SGCZ: variants seen among roughly 807,000 people sequenced by gnomAD.
SGCZ encodes zeta-sarcoglycan.
A neutral mutation model predicts 41.3 loss-of-function variants in SGCZ; 40 were observed. The ratio of observed to expected loss-of-function variants is 0.97; its 90% CI spans 0.75 to 1.26. SGCZ has a LOEUF of 1.26. Ranked by LOEUF, SGCZ falls within the 50% of genes most tolerant of loss-of-function variation. The pLI, the probability that SGCZ is intolerant of heterozygous loss-of-function variation, is 0.00. For missense variants in SGCZ, 552 were observed against 369.8 expected (o/e 1.49, Z -4.04); for synonymous variants, 206 against 137.5 (o/e 1.50, Z -3.49).
At chr8:14,618,900 A>T (rs6981703) in intron 1 of SGCZ, among the ~76,000 whole-genome samples, 51,596 of 152,064 alleles carry the variant, frequency 0.34, 8,990 homozygotes, top group East Asian at 0.6. Flanking sequence ...ACAAGAAAGT[A>T]AGGAGAGGTG....
At chr8:14,849,900 C>G (rs1803255244) in intron 1 of SGCZ, among the ~76,000 whole-genome samples, 1 of 152,062 alleles carries the variant, frequency 6.6e-6, no homozygotes, top group Non-Finnish European at 1.5e-5. Context: ...TTTTAAAAAG[C>G]AAAATGTCTC....
At chr8:14,620,373 G>A (rs959241566) in intron 1 of SGCZ, among the ~76,000 whole-genome samples, 1 of 152,148 alleles carries the variant, frequency 6.6e-6, no homozygotes, top group Non-Finnish European at 1.5e-5. Context: ...CAGGTCATAG[G>A]CATGGAGAAG....
At chr8:14,812,591 C>G (rs543523641) in intron 1 of SGCZ, among the ~76,000 whole-genome samples, 1 of 152,148 alleles carries the variant, frequency 6.6e-6, no homozygotes, top group Admixed American at 6.5e-5. Flanking sequence ...ATATCATAAC[C>G]TAAATGGCCT....
chr8:14,823,055 T>TAA (rs34307530), intron 1 of SGCZ, among the ~76,000 whole-genome samples: 3,889 of 75,350 alleles, frequency 0.052, 243 homozygotes, highest in East Asian at 0.19. Context: ...CCAATCCTCA[T>TAA]AAAAAAAAAA....
intron 2 of SGCZ, among the ~76,000 whole-genome samples, chr8:14,335,349 T>C (rs1299111550): frequency 6.6e-6 from 1 of 152,138 alleles, no homozygotes; most frequent in African/African-American, 2.4e-5. Flanking sequence ...TGAAGGGTGC[T>C]GTAGATTTCT....
At chr8:15,109,689 T>G (rs537791443) in intron 1 of SGCZ, among the ~76,000 whole-genome samples, 1 of 152,152 alleles carries the variant, frequency 6.6e-6, no homozygotes, top group Non-Finnish European at 1.5e-5. Flanking sequence ...ATCATATATT[T>G]AAATACTCAC....
chr8:14,786,173 T>C (rs554312163), intron 1 of SGCZ, among the ~76,000 whole-genome samples: 71 of 152,242 alleles, frequency 4.7e-4, no homozygotes, highest in Middle Eastern at 6.8e-3. Flanking sequence ...AAAACATTAG[T>C]TCTCGTTTTG....
chr8:14,611,356 A>G (rs1805923452), intron 1 of SGCZ, among the ~76,000 whole-genome samples: 3 of 152,160 alleles, frequency 2.0e-5, no homozygotes, highest in African/African-American at 7.2e-5. Flanking sequence ...GAATGTATGA[A>G]ATAGATTGTG....
intron 1 of SGCZ, among the ~76,000 whole-genome samples, chr8:15,139,998 G>A (rs983475680): frequency 4.0e-5 from 6 of 151,878 alleles, no homozygotes; most frequent in South Asian, 2.1e-4. Flanking sequence ...GTGGGGGTTG[G>A]GGGGACGGAC....
intron 1 of SGCZ, among the ~76,000 whole-genome samples, chr8:14,784,149 C>A (rs1205038433): frequency 6.6e-6 from 1 of 151,398 alleles, no homozygotes; most frequent in Non-Finnish European, 1.5e-5. Flanking sequence ...CTCGCAGGCT[C>A]AATATATCCT....
intron 2 of SGCZ, among the ~76,000 whole-genome samples, chr8:14,334,603 TTTTG>T (rs1042499390): frequency 3.3e-5 from 5 of 152,240 alleles, no homozygotes; most frequent in Middle Eastern, 3.4e-3. Flanking sequence ...ATTTGTGCTT[TTTTG>T]TTTGTTTCCC....
chr8:14,605,374 A>G (rs965123394), intron 1 of SGCZ, among the ~76,000 whole-genome samples: 2 of 152,136 alleles, frequency 1.3e-5, no homozygotes, highest in Admixed American at 6.6e-5. Context: ...TTGGGTATCT[A>G]TCATCTCAAG....
chr8:15,031,801 G>A (rs1228501141), intron 1 of SGCZ, among the ~76,000 whole-genome samples: 1 of 152,028 alleles, frequency 6.6e-6, no homozygotes, highest in Non-Finnish European at 1.5e-5. Context: ...GGATACATGA[G>A]GACATAGCAG....
intron 1 of SGCZ, among the ~76,000 whole-genome samples, chr8:15,009,016 C>A (rs1361633847): frequency 6.6e-6 from 1 of 152,070 alleles, no homozygotes; most frequent in African/African-American, 2.4e-5. Context: ...CGTATCCTGG[C>A]CCAAGCTATA....
intron 1 of SGCZ, among the ~76,000 whole-genome samples, chr8:14,749,423 C>T (rs992557826): frequency 6.6e-5 from 10 of 152,088 alleles, no homozygotes; most frequent in African/African-American, 2.4e-4. Flanking sequence ...TGTGGGGATG[C>T]GTGTACATGC....
intron 1 of SGCZ, among the ~76,000 whole-genome samples, chr8:14,570,746 A>C (rs1804525324): frequency 6.6e-6 from 1 of 152,166 alleles, no homozygotes; most frequent in Non-Finnish European, 1.5e-5. Flanking sequence ...GATATGAATA[A>C]CCTAAGAGAC....
At chr8:14,251,806 C>T (rs1799296359) in intron 3 of SGCZ, among the ~76,000 whole-genome samples, 1 of 152,120 alleles carries the variant, frequency 6.6e-6, no homozygotes, top group Non-Finnish European at 1.5e-5. Context: ...TACTTTGCCT[C>T]CCGGGTTCAA....
chr8:14,264,336 C>A (rs912685495), intron 3 of SGCZ, among the ~76,000 whole-genome samples: 2 of 152,142 alleles, frequency 1.3e-5, no homozygotes, highest in Admixed American at 6.6e-5. Context: ...GGGTCCTTCA[C>A]AATGAGACAG....
intron 1 of SGCZ, among the ~76,000 whole-genome samples, chr8:14,825,030 C>G (rs1274171561): frequency 6.6e-6 from 1 of 152,132 alleles, no homozygotes; most frequent in Non-Finnish European, 1.5e-5. Flanking sequence ...GTTTCCCACA[C>G]TATACTAAAC....
Sources: allele counts gnomAD v4.1 joint callset (sites outside exome capture counted in the v4.1 genomes callset), GRCh38; gene constraint gnomAD v4.1.1; transcripts MANE v1.5; gene names NCBI Gene and HGNC (gene_info 2026-07-23, HGNC 2026-07-21).